MACROD2: variants seen among roughly 807,000 people sequenced by gnomAD.
MACROD2 encodes mono-ADP ribosylhydrolase 2.
A neutral mutation model predicts 70.4 loss-of-function variants in MACROD2; 36 were observed. The observed-to-expected ratio is 0.51, with a 90% CI of 0.39 to 0.68. The LOEUF is 0.68. Ranked by LOEUF, MACROD2 falls within the 30% of genes least tolerant of loss-of-function variation. MACROD2 has a pLI of 0.00. For missense variants in MACROD2, 496 were observed against 538.4 expected, an observed-to-expected ratio of 0.92 and a Z score of 0.78; for synonymous variants, 172 against 178.8, an observed-to-expected ratio of 0.96 and a Z score of 0.30.
At chr20:15,494,155 A>C (rs898369100) in intron 7 of MACROD2, among the ~76,000 whole-genome samples, 4 of 152,208 alleles carry the variant, frequency 2.6e-5, no homozygotes, top group African/African-American at 9.6e-5. Context: ...TTTAATTAGA[A>C]AGTACATCTC....
At chr20:14,086,880 C>T (rs557967204) in intron 3 of MACROD2, among the ~76,000 whole-genome samples, 21 of 152,272 alleles carry the variant, frequency 1.4e-4, no homozygotes, top group African/African-American at 4.8e-4. Flanking sequence ...AATTTCTTGA[C>T]TGTGGCTCTT....
chr20:14,369,340 C>G (rs2083302219), intron 3 of MACROD2, among the ~76,000 whole-genome samples: 1 of 152,156 alleles, frequency 6.6e-6, no homozygotes, highest in Admixed American at 6.5e-5. Context: ...AACCAAGGAC[C>G]AGGGTTGCCT....
At chr20:14,784,331 C>G (rs1258816190) in intron 5 of MACROD2, among the ~76,000 whole-genome samples, 1 of 152,104 alleles carries the variant, frequency 6.6e-6, no homozygotes, top group Non-Finnish European at 1.5e-5. Flanking sequence ...GCTTGGGTCC[C>G]TTTGCTAAAA....
intron 5 of MACROD2, among the ~76,000 whole-genome samples, chr20:14,862,703 AT>A (rs2073383611): frequency 1.2e-5 from 1 of 83,768 alleles, no homozygotes; most frequent in African/African-American, 5.9e-5. Flanking sequence ...ATATATAAAT[AT>A]ATATATATAT....
At chr20:15,229,472 A>C (rs906835595) in intron 5 of MACROD2, among the ~76,000 whole-genome samples, 1 of 152,036 alleles carries the variant, frequency 6.6e-6, no homozygotes, top group African/African-American at 2.4e-5. Flanking sequence ...TTTTTTTCAG[A>C]AACTTGCTCT....
chr20:15,686,651 T>A (rs1442103146), intron 8 of MACROD2, among the ~76,000 whole-genome samples: 3 of 152,088 alleles, frequency 2.0e-5, no homozygotes, highest in African/African-American at 4.8e-5. Context: ...GGTGGGCAGA[T>A]CACATGAGAC....
At chr20:15,895,170 T>C (rs1448681752) in intron 10 of MACROD2, among the ~76,000 whole-genome samples, 1 of 152,234 alleles carries the variant, frequency 6.6e-6, no homozygotes, top group Non-Finnish European at 1.5e-5. Flanking sequence ...AGTTACTCCT[T>C]CCAATGTGTG....
At chr20:14,350,408 TGG>T (rs1223490307) in intron 3 of MACROD2, among the ~76,000 whole-genome samples, 1 of 152,064 alleles carries the variant, frequency 6.6e-6, no homozygotes, top group Non-Finnish European at 1.5e-5. Flanking sequence ...GCCTGTCTTT[TGG>T]ATAAAAGACA....
intron 5 of MACROD2, among the ~76,000 whole-genome samples, chr20:14,868,149 G>C (rs964265033): frequency 1.3e-5 from 2 of 151,446 alleles, no homozygotes; most frequent in African/African-American, 2.4e-5. Flanking sequence ...CATCTTGAGA[G>C]GGTTCCATCT....
intron 4 of MACROD2, among the ~76,000 whole-genome samples, chr20:14,626,465 G>T (rs188287805): frequency 5.5e-4 from 83 of 152,220 alleles, no homozygotes; most frequent in African/African-American, 1.9e-3. Context: ...AAAGGAACAG[G>T]AGTGTCCCTG....
chr20:15,687,398 C>T (rs996368234), intron 8 of MACROD2, among the ~76,000 whole-genome samples: 9 of 151,942 alleles, frequency 5.9e-5, no homozygotes, highest in African/African-American at 4.8e-5. Flanking sequence ...GTTACTATCA[C>T]GGTGATCAAC....
At chr20:15,849,509 T>C (rs977584093) in intron 8 of MACROD2, among the ~76,000 whole-genome samples, 2 of 152,196 alleles carry the variant, frequency 1.3e-5, no homozygotes, top group Non-Finnish European at 2.9e-5. Context: ...CGGAGCCACC[T>C]TGTGACTTGG....
intron 4 of MACROD2, among the ~76,000 whole-genome samples, chr20:14,608,536 C>G (rs1013525994): frequency 1.3e-5 from 2 of 152,136 alleles, no homozygotes; most frequent in African/African-American, 4.8e-5. Flanking sequence ...TTTTACTTTG[C>G]ATCTCATTCA....
chr20:15,174,202 T>G (rs1352046531), intron 5 of MACROD2, among the ~76,000 whole-genome samples: 1 of 152,232 alleles, frequency 6.6e-6, no homozygotes, highest in Non-Finnish European at 1.5e-5. Flanking sequence ...ATGTCTCGTC[T>G]TAATATAAAA....
chr20:14,475,909 ATTGGTGACCTTTAAAAC>A (rs1462340510), intron 3 of MACROD2, among the ~76,000 whole-genome samples: 2 of 151,986 alleles, frequency 1.3e-5, no homozygotes, highest in Non-Finnish European at 2.9e-5. Flanking sequence ...TTTGAATCTG[ATTGGTGACCTTTAAAAC>A]TTTCCTGTAC....
intron 5 of MACROD2, among the ~76,000 whole-genome samples, chr20:14,975,931 A>G (rs1348570792): frequency 1.3e-5 from 2 of 152,164 alleles, no homozygotes; most frequent in Non-Finnish European, 2.9e-5. Flanking sequence ...CAGGAGGTGG[A>G]TTACAGTTCC....
intron 8 of MACROD2, among the ~76,000 whole-genome samples, chr20:15,571,207 G>A (rs2048372642): frequency 6.6e-6 from 1 of 152,156 alleles, no homozygotes; most frequent in South Asian, 2.1e-4. Flanking sequence ...CTGGAAGCCT[G>A]CAGATAGCTG....
chr20:15,243,451 A>G (rs1229489336), intron 6 of MACROD2, among the ~76,000 whole-genome samples: 1 of 152,212 alleles, frequency 6.6e-6, no homozygotes, highest in Admixed American at 6.5e-5. Context: ...CTACATGCAC[A>G]CAGTAGAATC....
chr20:14,460,223 T>G (rs2084352327), intron 3 of MACROD2, among the ~76,000 whole-genome samples: 1 of 152,128 alleles, frequency 6.6e-6, no homozygotes, highest in Non-Finnish European at 1.5e-5. Context: ...TGATTTATAA[T>G]CCTTTGGGTA....
Sources: allele counts gnomAD v4.1 joint callset (sites outside exome capture counted in the v4.1 genomes callset), GRCh38; gene constraint gnomAD v4.1.1; transcripts MANE v1.5; gene names NCBI Gene and HGNC (gene_info 2026-07-23, HGNC 2026-07-21).